The following STPG2 variants were observed in gnomAD, a reference collection of about 807,000 sequenced individuals.
STPG2 encodes sperm-tail PG-rich repeat-containing protein 2.
In STPG2, 56 loss-of-function variants were observed where a neutral mutation model predicts 54.2. That is an observed-to-expected ratio of 1.03 (90% CI 0.83 to 1.29). STPG2 has a LOEUF of 1.29. Ranked by LOEUF, STPG2 falls within the 50% of genes most tolerant of loss-of-function variation. STPG2 has a pLI of 0.00. For missense variants in STPG2, 596 were observed against 544.9 expected (o/e 1.09, Z -0.93); for synonymous variants, 200 against 181.8 (o/e 1.10, Z -0.81).
At chr4:97,785,864 G>C (rs1726805982) in intron 9 of STPG2, among the ~76,000 whole-genome samples, 1 of 151,962 alleles carries the variant, frequency 6.6e-6, no homozygotes, top group Admixed American at 6.6e-5. Flanking sequence ...ATGAGTTTAA[G>C]AGGGATGTGT....
Position 98,017,838 on chromosome 4 carries a change from A to T in STPG2, c.613-36520T>A, listed in dbSNP as rs191250489. ...AGTGAGGGAGTTCTCATGATATCTG[A>T]TGGTTTTAAAAGTGGCAGTTTAGCC... On this transcript the variant is annotated intron_variant, in intron 5 of 10. Coordinates refer to ENST00000295268, the MANE Select transcript of STPG2 (RefSeq NM_174952.3). Among the ~76,000 whole-genome samples the T allele has an allele frequency of 4.3e-3, 648 of 151,864 alleles. 3 individuals are homozygous for T. Among genetic ancestry groups the T allele is most frequent in the South Asian group, 0.025 (118 of 4,790 alleles).
intron 5 of STPG2, among the ~76,000 whole-genome samples, chr4:98,095,066 GTTTA>G (rs892275179): frequency 1.3e-5 from 2 of 152,108 alleles, no homozygotes; most frequent in African/African-American, 4.8e-5. Context: ...GCTTTTATTA[GTTTA>G]TTTCTGCATG....
intron 8 of STPG2, among the ~76,000 whole-genome samples, chr4:97,925,475 T>A (rs540866134): frequency 3.9e-5 from 6 of 152,206 alleles, no homozygotes; most frequent in Admixed American, 1.3e-4. Context: ...GTGTCAGAAA[T>A]CATTTATCTA....
rs139329761 is a variant in STPG2, at chr4:97,576,263, A to G, written c.1321-17146T>C. Among the ~76,000 whole-genome samples, 7 of 150,268 alleles carry G rather than the reference A, an allele frequency of 4.7e-5. No individual in the cohort carries two copies. In the East Asian group the frequency reaches 1.4e-3, roughly 29 times the overall value. On this transcript the variant is annotated intron_variant, in intron 10 of 10. Coordinates refer to ENST00000295268, the MANE Select transcript of STPG2 (RefSeq NM_174952.3). ...TTTCACGGAATTAGAAAAAAACTAT[A>G]CTAATATATATGGAATGAAAAAAAA... is the stretch of plus-strand genomic sequence containing the variant.
chr4:98,055,616 G>A (rs2149316799), intron 5 of STPG2, among the ~76,000 whole-genome samples: 1 of 152,304 alleles, frequency 6.6e-6, no homozygotes, highest in African/African-American at 2.4e-5. Context: ...TTAGAGAAGT[G>A]GTGGGGCAGC....
At chr4:98,098,681 G>A (rs897629413) in intron 5 of STPG2, among the ~76,000 whole-genome samples, 11 of 152,108 alleles carry the variant, frequency 7.2e-5, no homozygotes, top group Admixed American at 7.2e-4. Flanking sequence ...ACAAAGTGAA[G>A]AGACAGCTCA....
At chr4:97,957,379 A>T (rs1733720883) in intron 7 of STPG2, among the ~76,000 whole-genome samples, 1 of 151,688 alleles carries the variant, frequency 6.6e-6, no homozygotes, top group African/African-American at 2.4e-5. Flanking sequence ...AACAAAGACA[A>T]AGAAAAAAAA....
At chr4:97,718,265 A>G (rs1724351383) in intron 9 of STPG2, among the ~76,000 whole-genome samples, 1 of 152,104 alleles carries the variant, frequency 6.6e-6, no homozygotes, top group Non-Finnish European at 1.5e-5. Flanking sequence ...CTTGATTTAA[A>G]TAAACTAAAT....
chr4:97,464,750 A>G (rs1729748649), intron 4 of STPG2, among the ~76,000 whole-genome samples: 1 of 152,170 alleles, frequency 6.6e-6, no homozygotes, highest in Admixed American at 6.6e-5. Context: ...AGTAGGGATA[A>G]ATAGTGGGTG....
intron 9 of STPG2, among the ~76,000 whole-genome samples, chr4:97,729,204 A>T (rs899439542): frequency 2.0e-5 from 3 of 151,710 alleles, no homozygotes; most frequent in African/African-American, 7.3e-5. Context: ...AAAAAAAAGC[A>T]TCTATTATCA....
downstream of STPG2, among the ~76,000 whole-genome samples, chr4:97,555,515 A>C (rs1000912965): frequency 1.3e-5 from 2 of 152,172 alleles, no homozygotes; most frequent in African/African-American, 4.8e-5. Context: ...TCCCTGTAAA[A>C]TAAGATTACT....
chr4:98,001,415 T>C (rs546368641), intron 5 of STPG2, among the ~76,000 whole-genome samples: 77 of 152,010 alleles, frequency 5.1e-4, no homozygotes, highest in Admixed American at 3.9e-4. Context: ...TTTATTACTA[T>C]GCAATGCAAC....
rs1392287300 is a variant in STPG2 at position 97,458,952 on chromosome 4, CTA to C, written c.462+253745_462+253746del. Among the ~76,000 whole-genome samples, 4 of 151,922 alleles carry C rather than the reference CTA, an allele frequency of 2.6e-5. No individual in the cohort carries two copies. In the East Asian group the frequency reaches 7.7e-4, roughly 29 times the overall value. ...GCAATTAGCAAAAGTAAAATAAAGA[CTA>C]TATTATAGATAATAATATGTAACAA... On this transcript the variant is annotated intron_variant, in intron 4 of 4. Transcript: ENST00000522676.
At chr4:97,919,029 C>A (rs72617715) in intron 8 of STPG2, among the ~76,000 whole-genome samples, 6,866 of 152,196 alleles carry the variant, frequency 0.045, 241 homozygotes, top group Admixed American at 0.13. Flanking sequence ...CTACTTCAAT[C>A]ATGGAAGTAT....
At chr4:97,509,197 T>C (rs1047015001) in intron 4 of STPG2, among the ~76,000 whole-genome samples, 6 of 152,044 alleles carry the variant, frequency 3.9e-5, no homozygotes, top group Non-Finnish European at 8.8e-5. Flanking sequence ...CCTGACAGTC[T>C]GTAGCTCCTT....
At chr4:97,903,186 T>C (rs1731245490) in intron 8 of STPG2, among the ~76,000 whole-genome samples, 1 of 152,070 alleles carries the variant, frequency 6.6e-6, no homozygotes, top group Non-Finnish European at 1.5e-5. Flanking sequence ...ATACTTGAAA[T>C]TTGCCAAGAG....
chr4:97,947,019 C>T (rs1391357678), intron 7 of STPG2, among the ~76,000 whole-genome samples: 3 of 152,048 alleles, frequency 2.0e-5, no homozygotes, highest in African/African-American at 7.2e-5. Context: ...TCTTGCAATC[C>T]GTGAGAATGG....
chr4:97,985,232 G>A (rs1734793581), intron 5 of STPG2, among the ~76,000 whole-genome samples: 2 of 152,196 alleles, frequency 1.3e-5, no homozygotes, highest in South Asian at 4.1e-4. Flanking sequence ...AACCATGGCT[G>A]CTTATTAGAA....
At chr4:97,529,376 C>T (rs1054041043) in intron 4 of STPG2, among the ~76,000 whole-genome samples, 2 of 152,074 alleles carry the variant, frequency 1.3e-5, no homozygotes, top group Non-Finnish European at 2.9e-5. Context: ...CTGCTGGATT[C>T]GTTTTGCCAG....
Sources: allele counts gnomAD v4.1 joint callset (sites outside exome capture counted in the v4.1 genomes callset), GRCh38; gene constraint gnomAD v4.1.1; transcripts MANE v1.5; gene names NCBI Gene and HGNC (gene_info 2026-07-23, HGNC 2026-07-21).